Variants in FRAS1 observed in about 807,000 individuals in gnomAD.
FRAS1 encodes Fraser extracellular matrix complex subunit 1.
FRAS1 carries 290 observed loss-of-function variants against 435.2 expected under a neutral mutation model. The ratio of observed to expected loss-of-function variants is 0.67; its 90% CI spans 0.61 to 0.73. The LOEUF is 0.73. Ranked by LOEUF, FRAS1 falls within the 30% of genes least tolerant of loss-of-function variation. The pLI, the probability that FRAS1 is intolerant of heterozygous loss-of-function variation, is 0.00. For synonymous variants in FRAS1, 1,800 were observed against 1,851.0 expected (o/e 0.97, Z 0.71); for missense variants, 4,860 against 5,001.5 (o/e 0.97, Z 0.85).
At chr4:78,267,501 C>T in intron 9 of FRAS1, 69 bp downstream of exon 9, 2 of 1,418,982 alleles carry the variant, frequency 1.4e-6, no homozygotes, top group Non-Finnish European at 1.9e-6. Flanking sequence ...GGGGTCCTGC[C>T]TGTTCTTTAC....
At chr4:78,210,534 G>A (rs1366269603) in intron 2 of FRAS1, among the ~76,000 whole-genome samples, 1 of 152,128 alleles carries the variant, frequency 6.6e-6, no homozygotes, top group Admixed American at 6.5e-5. Context: ...ATATTTTCGG[G>A]CTTTCTTGAC....
intron 14 of FRAS1, among the ~76,000 whole-genome samples, chr4:78,301,255 G>C (rs1368599270): frequency 6.6e-6 from 1 of 152,046 alleles, no homozygotes; most frequent in Non-Finnish European, 1.5e-5. Context: ...TTAAGAATTA[G>C]GATGTATTAA....
chr4:78,155,010 TA>T (rs1190877909), intron 2 of FRAS1, among the ~76,000 whole-genome samples: 1 of 152,210 alleles, frequency 6.6e-6, no homozygotes, highest in African/African-American at 2.4e-5. Context: ...TAATGATTGA[TA>T]TTATTTTTGA....
chr4:78,452,395 A>G, intron 47 of FRAS1, 41 bp downstream of exon 47: 2 of 1,498,464 alleles, frequency 1.3e-6, no homozygotes, highest in Non-Finnish European at 1.8e-6. Context: ...CAAAACTTAG[A>G]CCTTAGTAAG....
intron 2 of FRAS1, among the ~76,000 whole-genome samples, chr4:78,117,466 C>T (rs1379141468): frequency 6.6e-6 from 1 of 152,238 alleles, no homozygotes; most frequent in Admixed American, 6.5e-5. Flanking sequence ...CTTTCAGATA[C>T]ACCAATCAGA....
At chr4:78,534,313 A>T (rs1721816281) in intron 70 of FRAS1, 136 bp from the exon 71 acceptor site, 1 of 634,004 alleles carries the variant, frequency 1.6e-6, no homozygotes, top group African/African-American at 1.8e-5. Context: ...ACATCCCTTT[A>T]TTCAGTGAAT....
intron 61 of FRAS1, among the ~76,000 whole-genome samples, chr4:78,500,900 G>A (rs4975135): frequency 0.18 from 27,484 of 152,068 alleles, 2,557 homozygotes; most frequent in Middle Eastern, 0.23. Context: ...TGTAGACTAA[G>A]AAAGGGGCTT....
chr4:78,174,888 A>G (rs576938401), intron 2 of FRAS1, among the ~76,000 whole-genome samples: 21 of 152,356 alleles, frequency 1.4e-4, no homozygotes, highest in Admixed American at 1.0e-3. Context: ...TAAACCCTAA[A>G]TGTAAATCAC....
rs188080970 is a variant in FRAS1 at position 78,155,222 on chromosome 4, C to T, written c.109-82288C>T. On this transcript the variant is annotated intron_variant, in intron 2 of 73. Coordinates refer to ENST00000512123, the MANE Select transcript of FRAS1 (RefSeq NM_025074.7). ...ATGTTTGTTGGCTGGAACAGAACCA[C>T]CCTAAGATGATATGTTATTGGTTAA... Among the ~76,000 whole-genome samples, 22 of 152,212 alleles carry T rather than the reference C, an allele frequency of 1.4e-4. No homozygotes were observed. The East Asian group carries it at 4.1e-3, about 28-fold the overall frequency.
At chr4:78,308,292 A>G in intron 15 of FRAS1, 83 bp downstream of exon 15, 2 of 1,380,074 alleles carry the variant, frequency 1.4e-6, no homozygotes, top group Non-Finnish European at 2.0e-6. Context: ...ATAGCACATT[A>G]CCAATGTTTC....
chr4:78,278,351 T>C (rs182354142), intron 9 of FRAS1, among the ~76,000 whole-genome samples: 2 of 152,342 alleles, frequency 1.3e-5, no homozygotes, highest in African/African-American at 4.8e-5. Flanking sequence ...TTTCCTAGAC[T>C]ATAACATTAA....
chr4:78,267,399 G>C lies in FRAS1; in HGVS notation c.948G>C (p.Gln316His). The part of the protein sequence containing the change: ...CMCDHGQVTC[Q>H]TGECAKVECA... ...GTGATCATGGCCAAGTGACCTGCCA[G>C]ACTGGAGAGTGTGCCAAAGTGGAGT... is the stretch of plus-strand genomic sequence containing the variant. The change falls in exon 9 of 74, where the codon CAG (glutamine) becomes CAC (histidine). Residue 316 changes from glutamine to histidine, a missense_variant. Transcript: ENST00000512123. 6.2e-7 allele frequency: 1 copy of C among 1,613,940 alleles called. No individual in the cohort carries two copies. The highest frequency in any genetic ancestry group is 1.1e-5 in the South Asian group (1 of 91,030).
chr4:78,255,378 A>G lies in FRAS1; in HGVS notation c.603+3A>G. On this transcript the variant is annotated splice_donor_region_variant and intron_variant, in intron 6 of 73. Coordinates refer to ENST00000512123, the MANE Select transcript of FRAS1 (RefSeq NM_025074.7). Reference sequence around the variant, plus strand: ...GTCAGCCTCTATTTTGTAACCAGGTAAGGAAGACAACCTCAGCATGCAGCC... The same window carrying G: ...GTCAGCCTCTATTTTGTAACCAGGTGAGGAAGACAACCTCAGCATGCAGCC... 1 of 1,588,732 alleles carries G rather than the reference A, an allele frequency of 6.3e-7. No homozygotes were observed. The highest frequency in any genetic ancestry group is 2.3e-5 in the East Asian group (1 of 44,104).
intron 31 of FRAS1, 41 bp from the exon 32 acceptor site, chr4:78,412,928 A>G: frequency 7.7e-7 from 1 of 1,304,242 alleles, no homozygotes; most frequent in Non-Finnish European, 1.1e-6. Context: ...TGCTCTGCTC[A>G]ATAGAAGATG....
At chr4:78,084,548 G>C (rs1310760893) in intron 2 of FRAS1, among the ~76,000 whole-genome samples, 1 of 152,068 alleles carries the variant, frequency 6.6e-6, no homozygotes, top group African/African-American at 2.4e-5. Flanking sequence ...TTAGTTGCTG[G>C]TAATATTCTT....
At chr4:78,253,115 C>T (rs537798253) in intron 5 of FRAS1, among the ~76,000 whole-genome samples, 9 of 152,130 alleles carry the variant, frequency 5.9e-5, no homozygotes, top group African/African-American at 1.9e-4. Context: ...GACCTCCCCC[C>T]AGGAATGCAT....
At chr4:78,146,209 A>G (rs1249442594) in intron 2 of FRAS1, among the ~76,000 whole-genome samples, 2 of 152,180 alleles carry the variant, frequency 1.3e-5, no homozygotes, top group Admixed American at 1.3e-4. Context: ...TTGTAGTGAA[A>G]AACAGCAGTC....
intron 18 of FRAS1, among the ~76,000 whole-genome samples, chr4:78,321,760 G>A (rs1401512338): frequency 1.3e-5 from 2 of 150,306 alleles, no homozygotes; most frequent in African/African-American, 4.9e-5. Context: ...CAGGAGAATA[G>A]CTTGAACTCG....
chr4:78,202,830 G>A (rs554672392), intron 2 of FRAS1, among the ~76,000 whole-genome samples: 6 of 152,220 alleles, frequency 3.9e-5, no homozygotes, highest in Non-Finnish European at 7.3e-5. Flanking sequence ...TCAGGTAAAG[G>A]GGTCACTATC....
Sources: gnomAD v4.1 joint callset for allele counts (sites outside exome capture counted in the v4.1 genomes callset) on GRCh38, gnomAD v4.1.1 for gene constraint, MANE v1.5 for transcripts, NCBI Gene and HGNC (gene_info 2026-07-23, HGNC 2026-07-21) for gene names.